The following FAM83B variants were observed in gnomAD, a reference collection of about 807,000 sequenced individuals.
The protein encoded by FAM83B is scaffolding CK1 anchoring protein B, also known as protein FAM83B.
FAM83B carries 26 observed loss-of-function variants against 38.8 expected under a neutral mutation model. That is an observed-to-expected ratio of 0.67 (90% CI 0.49 to 0.93). The LOEUF (loss-of-function observed/expected upper bound fraction) is 0.93. FAM83B is among the 40% of genes least tolerant of loss of function. The probability of loss-of-function intolerance (pLI) is 0.00; values close to 1 mark genes in which losing one functional copy is unlikely to be tolerated. For missense variants in FAM83B, 1,237 were observed against 1,197.3 expected, an observed-to-expected ratio of 1.03 and a Z score of -0.49; for synonymous variants, 419 against 423.1, an observed-to-expected ratio of 0.99 and a Z score of 0.12.
intron 1 of FAM83B, among the ~76,000 whole-genome samples, chr6:54,859,362 G>A (rs1344110497): frequency 1.3e-5 from 2 of 152,070 alleles, no homozygotes; most frequent in African/African-American, 2.4e-5. Context: ...ACCCGGCCAC[G>A]GGTATTATGA....
intron 2 of FAM83B, among the ~76,000 whole-genome samples, chr6:54,909,464 G>A (rs1334120914): frequency 6.6e-6 from 1 of 152,014 alleles, no homozygotes; most frequent in Non-Finnish European, 1.5e-5. Context: ...AGATTTCTGA[G>A]GCATTGCTTC....
At chr6:54,873,690 GTTT>G (rs34408059) in intron 2 of FAM83B, among the ~76,000 whole-genome samples, 1 of 137,264 alleles carries the variant, frequency 7.3e-6, no homozygotes, top group African/African-American at 2.7e-5. Flanking sequence ...AATGGATAAA[GTTT>G]TTTTTTTTTT....
intron 2 of FAM83B, among the ~76,000 whole-genome samples, chr6:54,903,805 T>A (rs239835): frequency 0.17 from 26,541 of 151,914 alleles, 2,490 homozygotes; most frequent in Middle Eastern, 0.27. Context: ...TAGGTTTTTT[T>A]AATTACTTTT....
At chr6:54,865,967 C>CATAATAATAATA (rs3064911) in intron 1 of FAM83B, among the ~76,000 whole-genome samples, 3 of 147,990 alleles carry the variant, frequency 2.0e-5, no homozygotes, top group Non-Finnish European at 3.0e-5. Context: ...GTAAAATAGT[C>CATAATAATAATA]ATAATAATAA....
At position 54,939,821 on chromosome 6, in the gene FAM83B, A is replaced by C. The variant is rs1343033687; in HGVS notation, c.850A>C (p.Ser284Arg). 4.3e-6 allele frequency: 7 copies of C among 1,613,852 alleles called. No individual in the cohort carries two copies. In the East Asian group the frequency reaches 1.6e-4, roughly 36 times the overall value. The change falls in exon 5 of 5, where the codon AGT (serine) becomes CGT (arginine). Residue 284 changes from serine (S) to arginine (R), a missense_variant. By Grantham distance (110) the Ser-to-Arg change is moderately radical. Coordinates refer to ENST00000306858, the MANE Select transcript of FAM83B (RefSeq NM_001010872.3). ...TCTCTATGCCAGATCCTGTGTCCCT[A>C]GTTCATTTGCTCAGGAAGAATCAGC... ...RTLYARSCVP[S>R]SFAQEESARV...
In FAM83B at chr6:54,942,524, T is replaced by C. The variant is rs1456581376; in HGVS notation, c.*517T>C. Among the ~76,000 whole-genome samples, 1 of 152,172 alleles carries C rather than the reference T, an allele frequency of 6.6e-6. No homozygotes were observed. The highest frequency in any genetic ancestry group is 1.5e-5 in the Non-Finnish European group (1 of 68,038). On this transcript the variant is annotated 3_prime_UTR_variant, in exon 5 of 5. Transcript: ENST00000306858. ...TTTTTTCTGTGGATCATTGTACAGCTGTTTGGGCAACAGCAGTACCTTTTA... is the reference window on the plus strand; with the variant it reads ...TTTTTTCTGTGGATCATTGTACAGCCGTTTGGGCAACAGCAGTACCTTTTA...
chr6:54,886,741 C>G (rs759218836), intron 2 of FAM83B, among the ~76,000 whole-genome samples: 1 of 151,564 alleles, frequency 6.6e-6, no homozygotes, highest in Non-Finnish European at 1.5e-5. Flanking sequence ...TCATTATTCC[C>G]TTTTTCTTTT....
chr6:54,891,315 C>T (rs1300842305), intron 2 of FAM83B, among the ~76,000 whole-genome samples: 2 of 149,488 alleles, frequency 1.3e-5, no homozygotes, highest in Non-Finnish European at 3.0e-5. Context: ...TCTTCCACTC[C>T]TCTGTAAGTA....
intron 1 of FAM83B, among the ~76,000 whole-genome samples, chr6:54,856,506 T>C (rs1771449969): frequency 6.6e-6 from 1 of 152,198 alleles, no homozygotes; most frequent in South Asian, 2.1e-4. Flanking sequence ...CAAGTGACTG[T>C]TCATATGTAA....
intron 2 of FAM83B, among the ~76,000 whole-genome samples, chr6:54,885,431 AAT>A (rs1455386901): frequency 1.3e-5 from 2 of 152,010 alleles, no homozygotes; most frequent in South Asian, 2.1e-4. Context: ...CTTTTTTACT[AAT>A]ATGGAAATAT....
upstream of FAM83B, chr6:54,846,732 C>T (rs1035566948): frequency 6.6e-6 from 1 of 152,270 alleles, no homozygotes; most frequent in African/African-American, 2.4e-5. Context: ...CCCCTCCCCT[C>T]CCTGCCCGCG....
rs1771810876 is a variant in FAM83B at position 54,870,188 on chromosome 6, T to C, written c.-59T>C. 1 of 1,288,922 alleles carries C rather than the reference T, an allele frequency of 7.8e-7. No homozygotes were observed. Among genetic ancestry groups the C allele is most frequent in the Non-Finnish European group, 1.1e-6 (1 of 914,486 alleles). 79.8% of individuals were successfully genotyped at this position (1,288,922 alleles called of 1,614,324 possible). ...GATTTTCTTCTTTTCAAATACCAGA[T>C]ACTTCTCACCACTGCATGAATGGAC... On this transcript the variant is annotated splice_region_variant and 5_prime_UTR_variant, in exon 2 of 5. Coordinates refer to ENST00000306858, the MANE Select transcript of FAM83B (RefSeq NM_001010872.3).
chr6:54,852,376 T>A (rs1197346233), intron 1 of FAM83B, among the ~76,000 whole-genome samples: 2 of 152,192 alleles, frequency 1.3e-5, no homozygotes, highest in Admixed American at 6.5e-5. Context: ...TTTTTGGTGA[T>A]CATTGATCTC....
intron 4 of FAM83B, among the ~76,000 whole-genome samples, chr6:54,930,243 A>G (rs755567975): frequency 1.3e-5 from 2 of 152,040 alleles, no homozygotes; most frequent in Non-Finnish European, 2.9e-5. Flanking sequence ...AATAATGGCC[A>G]TTTTGTTTTT....
At chr6:54,863,398 C>T (rs1771631508) in intron 1 of FAM83B, among the ~76,000 whole-genome samples, 1 of 152,140 alleles carries the variant, frequency 6.6e-6, no homozygotes, top group South Asian at 2.1e-4. Flanking sequence ...ACATAGAAAC[C>T]CTTCGGGTCA....
chr6:54,851,747 A>ACGG (rs1771299252), intron 1 of FAM83B, among the ~76,000 whole-genome samples: 1 of 137,798 alleles, frequency 7.3e-6, no homozygotes, highest in African/African-American at 2.9e-5. Flanking sequence ...TCCCGGGTTC[A>ACGG]TGCCATTCTC....
At chr6:54,889,872 TA>T (rs1167781896) in intron 2 of FAM83B, among the ~76,000 whole-genome samples, 3 of 152,074 alleles carry the variant, frequency 2.0e-5, no homozygotes, top group African/African-American at 7.2e-5. Flanking sequence ...TTTAAAGCCT[TA>T]AAAAATTAGT....
At chr6:54,861,439 C>T (rs1771580155) in intron 1 of FAM83B, among the ~76,000 whole-genome samples, 1 of 152,116 alleles carries the variant, frequency 6.6e-6, no homozygotes, top group Non-Finnish European at 1.5e-5. Context: ...TGTCTGTGGT[C>T]CCAGCTACTC....
intron 1 of FAM83B, among the ~76,000 whole-genome samples, chr6:54,849,151 A>G (rs1198934979): frequency 6.6e-6 from 1 of 152,250 alleles, no homozygotes; most frequent in Non-Finnish European, 1.5e-5. Context: ...TTCACAGCCC[A>G]GCTTTAAGGA....
Sources: gnomAD v4.1 joint callset for allele counts (sites outside exome capture counted in the v4.1 genomes callset) on GRCh38, gnomAD v4.1.1 for gene constraint, MANE v1.5 for transcripts, NCBI Gene and HGNC (gene_info 2026-07-23, HGNC 2026-07-21) for gene names.